HHAT: variants seen among roughly 807,000 people sequenced by gnomAD.
HHAT encodes protein-cysteine N-palmitoyltransferase HHAT.
In HHAT, 47 loss-of-function variants were observed where a neutral mutation model predicts 70.8. The observed-to-expected ratio is 0.66, with a 90% confidence interval of 0.53 to 0.85. The LOEUF (loss-of-function observed/expected upper bound fraction) is 0.85. Among genes scored for constraint, HHAT ranks in the 40% least tolerant of loss-of-function variants. The pLI, the probability that HHAT is intolerant of heterozygous loss-of-function variation, is 0.00. For missense variants in HHAT, 609 were observed against 604.8 expected, an observed-to-expected ratio of 1.01 and a Z score of -0.07; for synonymous variants, 228 against 247.6, an observed-to-expected ratio of 0.92 and a Z score of 0.74.
intron 8 of HHAT, among the ~76,000 whole-genome samples, chr1:210,466,617 T>C (rs1160086658): frequency 6.6e-6 from 1 of 152,182 alleles, no homozygotes; most frequent in African/African-American, 2.4e-5. Context: ...TTCTCCCATA[T>C]TGGCTGGCAT....
At chr1:210,402,473 C>T (rs1005608464) in intron 5 of HHAT, among the ~76,000 whole-genome samples, 4 of 152,192 alleles carry the variant, frequency 2.6e-5, no homozygotes, top group Non-Finnish European at 4.4e-5. Context: ...TTCTCATCAT[C>T]CCTGTCCACC....
chr1:210,382,829 G>A (rs895590210), intron 3 of HHAT, among the ~76,000 whole-genome samples: 1 of 152,142 alleles, frequency 6.6e-6, no homozygotes, highest in Non-Finnish European at 1.5e-5. Context: ...GTGTTGTGGG[G>A]CAAAGGGGTG....
At chr1:210,406,408 T>C (rs1051698230) in intron 6 of HHAT, among the ~76,000 whole-genome samples, 1 of 151,906 alleles carries the variant, frequency 6.6e-6, no homozygotes, top group Admixed American at 6.6e-5. Context: ...TTCTTTTTTT[T>C]TTTGAGACAG....
At chr1:210,615,127 C>T (rs1215115286) in intron 10 of HHAT, among the ~76,000 whole-genome samples, 1 of 152,172 alleles carries the variant, frequency 6.6e-6, no homozygotes, top group African/African-American at 2.4e-5. Context: ...GATGATATCT[C>T]ATTGTGGTTT....
At chr1:210,389,996 G>A (rs945408711) in intron 4 of HHAT, among the ~76,000 whole-genome samples, 2 of 152,068 alleles carry the variant, frequency 1.3e-5, no homozygotes, top group African/African-American at 4.8e-5. Context: ...TTTAAAATAT[G>A]ATGAGCTTCA....
intron 11 of HHAT, among the ~76,000 whole-genome samples, chr1:210,667,521 A>G (rs1004972836): frequency 6.6e-6 from 1 of 152,128 alleles, no homozygotes; most frequent in Non-Finnish European, 1.5e-5. Context: ...TAACATCCCA[A>G]TGTTATCTTT....
chr1:210,625,102 A>ATC (rs1669584498), intron 11 of HHAT, among the ~76,000 whole-genome samples: 1 of 152,194 alleles, frequency 6.6e-6, no homozygotes, highest in African/African-American at 2.4e-5. Context: ...TTCTACTTTA[A>ATC]TCTTGTCACT....
intron 9 of HHAT, among the ~76,000 whole-genome samples, chr1:210,577,356 G>A (rs769004462): frequency 5.9e-5 from 9 of 152,002 alleles, no homozygotes; most frequent in African/African-American, 1.9e-4. Context: ...AATTCATTCC[G>A]TACCTAGTGT....
intron 8 of HHAT, among the ~76,000 whole-genome samples, chr1:210,488,061 C>A (rs1179151339): frequency 6.6e-6 from 1 of 152,140 alleles, no homozygotes; most frequent in Non-Finnish European, 1.5e-5. Flanking sequence ...AATTATTTTT[C>A]CTCTGTTAAT....
chr1:210,492,444 T>C (rs1403622879), intron 8 of HHAT, among the ~76,000 whole-genome samples: 2 of 152,190 alleles, frequency 1.3e-5, no homozygotes, highest in African/African-American at 4.8e-5. Context: ...CATGAGTGGA[T>C]GGTTAGATGG....
At chr1:210,393,846 G>C (rs956289284) in intron 4 of HHAT, among the ~76,000 whole-genome samples, 1 of 152,124 alleles carries the variant, frequency 6.6e-6, no homozygotes, top group Non-Finnish European at 1.5e-5. Context: ...TGTGGCTGGG[G>C]CACAGTGCTT....
chr1:210,590,957 G>T (rs900609149), intron 10 of HHAT, among the ~76,000 whole-genome samples: 1 of 152,020 alleles, frequency 6.6e-6, no homozygotes, highest in South Asian at 2.1e-4. Flanking sequence ...GTAGTTGTTT[G>T]TATTTATGGG....
Position 210,343,341 on chromosome 1 carries a change from A to G in HHAT, c.-43-5592A>G, listed in dbSNP as rs188087136. ...TCTTCTTCCCCTGGCCCCTTCCTTT[A>G]AAATAGTTACTTTTAAGTTTTCATT... On this transcript the variant is annotated intron_variant, in intron 1 of 11. Coordinates refer to ENST00000261458, the MANE Select transcript of HHAT (RefSeq NM_018194.6). Among the ~76,000 whole-genome samples the G allele has an allele frequency of 2.0e-5, 3 of 151,448 alleles. No homozygotes were observed. In the East Asian group the frequency reaches 5.8e-4, roughly 29 times the overall value.
intron 8 of HHAT, among the ~76,000 whole-genome samples, chr1:210,492,113 A>C (rs951274035): frequency 2.0e-5 from 3 of 151,998 alleles, no homozygotes; most frequent in Non-Finnish European, 2.9e-5. Context: ...GTAATCACAC[A>C]CACGTACCCA....
chr1:210,466,988 C>T (rs1052278415), intron 8 of HHAT, among the ~76,000 whole-genome samples: 1 of 152,096 alleles, frequency 6.6e-6, no homozygotes, highest in Admixed American at 6.5e-5. Flanking sequence ...CTGGGGTGAC[C>T]CCTTGGAATG....
At chr1:210,544,216 G>T (rs1033282234) in intron 9 of HHAT, among the ~76,000 whole-genome samples, 2 of 152,118 alleles carry the variant, frequency 1.3e-5, no homozygotes, top group African/African-American at 4.8e-5. Flanking sequence ...CACTGGGAGG[G>T]GATGTAGCTG....
intron 11 of HHAT, among the ~76,000 whole-genome samples, chr1:210,626,260 A>C (rs1309134789): frequency 2.6e-5 from 4 of 152,060 alleles, no homozygotes; most frequent in Non-Finnish European, 5.9e-5. Flanking sequence ...TATGGAGTTA[A>C]CCTCAGTCAC....
intron 9 of HHAT, among the ~76,000 whole-genome samples, chr1:210,579,661 C>A (rs1307316873): frequency 6.6e-6 from 1 of 152,186 alleles, no homozygotes; most frequent in Non-Finnish European, 1.5e-5. Flanking sequence ...TTCGAGGTTA[C>A]AGAAGTTGGT....
At chr1:210,627,448 T>C (rs761322909) in intron 11 of HHAT, among the ~76,000 whole-genome samples, 4 of 152,152 alleles carry the variant, frequency 2.6e-5, no homozygotes, top group South Asian at 2.1e-4. Flanking sequence ...CTACAAAGTT[T>C]ATTTTAGTGA....
Sources: gnomAD v4.1 joint callset for allele counts (sites outside exome capture counted in the v4.1 genomes callset) on GRCh38, gnomAD v4.1.1 for gene constraint, MANE v1.5 for transcripts, NCBI Gene and HGNC (gene_info 2026-07-23, HGNC 2026-07-21) for gene names.